DAP: variants seen among roughly 807,000 people sequenced by gnomAD.
The protein encoded by DAP is death associated protein.
DAP carries 8 observed loss-of-function variants against 13.8 expected under a neutral mutation model. The observed-to-expected ratio is 0.58, with a 90% CI of 0.34 to 1.05. The LOEUF (loss-of-function observed/expected upper bound fraction) is 1.05. DAP is among the 50% of genes least tolerant of loss of function. DAP has a pLI of 0.03. For missense variants in DAP, 106 were observed against 133.2 expected (o/e 0.80, Z 1.01); for synonymous variants, 47 against 47.5 (o/e 0.99, Z 0.04).
At chr5:10,720,966 C>A (rs1739121161) in intron 2 of DAP, among the ~76,000 whole-genome samples, 1 of 152,222 alleles carries the variant, frequency 6.6e-6, no homozygotes, top group South Asian at 2.1e-4. Flanking sequence ...CTGACCAAGG[C>A]ACGCACTTTA....
intron 1 of DAP, among the ~76,000 whole-genome samples, chr5:10,757,628 G>A (rs1271679297): frequency 6.6e-6 from 1 of 152,160 alleles, no homozygotes; most frequent in African/African-American, 2.4e-5. Context: ...TAAGATGACT[G>A]GTGATTTCAT....
intron 1 of DAP, among the ~76,000 whole-genome samples, chr5:10,750,462 A>G (rs1440412752): frequency 6.6e-6 from 1 of 152,128 alleles, no homozygotes; most frequent in Non-Finnish European, 1.5e-5. Flanking sequence ...TTAGAACTAA[A>G]ATCTCCCTGC....
chr5:10,758,799 AATAAACTAC>A (rs1740263900), intron 1 of DAP, among the ~76,000 whole-genome samples: 7 of 152,238 alleles, frequency 4.6e-5, no homozygotes, highest in Non-Finnish European at 8.8e-5. Flanking sequence ...CTCAGGGGTA[AATAAACTAC>A]TTACTCTGTA....
In DAP at chr5:10,736,560, T is replaced by TG. The variant is rs1238279078; in HGVS notation, c.152+11614dup. On this transcript the variant is annotated intron_variant, in intron 2 of 3. Coordinates refer to ENST00000230895, the MANE Select transcript of DAP (RefSeq NM_004394.3). ...GTCAGGGGGTTTGAGGGCTTGTGCT[T>TG]GTTCTGTCAACTTTCTGCCGCCCAA... Among the ~76,000 whole-genome samples, 5 of 152,338 alleles carry TG rather than the reference T, an allele frequency of 3.3e-5. No homozygotes were observed. In the East Asian group the frequency reaches 7.7e-4, roughly 24 times the overall value.
intron 2 of DAP, among the ~76,000 whole-genome samples, chr5:10,736,241 C>A (rs1739608735): frequency 6.6e-6 from 1 of 152,218 alleles, no homozygotes; most frequent in South Asian, 2.1e-4. Context: ...CGAAACATTT[C>A]TGTTTTTAAA....
At chr5:10,759,311 A>C (rs1185971095) in intron 1 of DAP, among the ~76,000 whole-genome samples, 1 of 152,342 alleles carries the variant, frequency 6.6e-6, no homozygotes. Flanking sequence ...GGAGGGCCAG[A>C]GCAGGTGGCT....
chr5:10,754,558 T>TAC (rs1740131469), intron 1 of DAP, among the ~76,000 whole-genome samples: 1 of 152,208 alleles, frequency 6.6e-6, no homozygotes, highest in Non-Finnish European at 1.5e-5. Context: ...CAGTGTGTGT[T>TAC]CCATCCTTGA....
chr5:10,753,603 G>A (rs1335405898), intron 1 of DAP, among the ~76,000 whole-genome samples: 2 of 152,222 alleles, frequency 1.3e-5, no homozygotes, highest in Non-Finnish European at 2.9e-5. Flanking sequence ...ATGCCTGGCT[G>A]TAAGATGCAG....
intron 2 of DAP, among the ~76,000 whole-genome samples, chr5:10,730,520 A>T (rs933647613): frequency 6.7e-6 from 1 of 148,968 alleles, no homozygotes; most frequent in East Asian, 2.0e-4. Context: ...GGTCGGGGGG[A>T]ATCTTTCTCT....
At position 10,718,100 on chromosome 5, in the gene DAP, C is replaced by A. The variant is rs181507500; in HGVS notation, c.152+30075G>T. ...CTCCCATCTTTCCCCAAGGTGACCTCTGGCTTTTTACCAGAGTAACTGTGG... is the reference window on the plus strand; with the variant it reads ...CTCCCATCTTTCCCCAAGGTGACCTATGGCTTTTTACCAGAGTAACTGTGG... On this transcript the variant is annotated intron_variant, in intron 2 of 3. Coordinates refer to ENST00000230895, the MANE Select transcript of DAP (RefSeq NM_004394.3). Among the ~76,000 whole-genome samples the A allele has an allele frequency of 1.9e-3, 291 of 152,330 alleles. 1 individual carries two copies. Among genetic ancestry groups the A allele is most frequent in the African/African-American group, 6.6e-3 (273 of 41,568 alleles).
At chr5:10,698,781 G>C (rs76123417) in intron 2 of DAP, among the ~76,000 whole-genome samples, 9,973 of 152,206 alleles carry the variant, frequency 0.066, 371 homozygotes, top group African/African-American at 0.093. Context: ...AAGGAATTTG[G>C]AGGAAAGAGA....
rs940207159 is a variant in DAP, at chr5:10,742,000, C to T, written c.152+6175G>A. Among the ~76,000 whole-genome samples the T allele has an allele frequency of 3.9e-5, 6 of 152,342 alleles. No individual in the cohort carries two copies. In the South Asian group the frequency reaches 8.3e-4, roughly 21 times the overall value. On this transcript the variant is annotated intron_variant, in intron 2 of 3. Coordinates refer to ENST00000230895, the MANE Select transcript of DAP (RefSeq NM_004394.3). ...GACTACGCAAATATCCTGTTGACTA[C>T]GTAAATATCGTGTTTTTCCTCAAAC...
At chr5:10,741,983 A>C (rs1561031040) in intron 2 of DAP, among the ~76,000 whole-genome samples, 1 of 152,256 alleles carries the variant, frequency 6.6e-6, no homozygotes, top group Non-Finnish European at 1.5e-5. Context: ...GAGACTACGC[A>C]AATATCCTGT....
chr5:10,723,054 G>A (rs765790700), intron 2 of DAP, among the ~76,000 whole-genome samples: 15 of 152,204 alleles, frequency 9.9e-5, no homozygotes, highest in Non-Finnish European at 1.5e-4. Context: ...GTCCCTTGAT[G>A]AAATGTCAAT....
At chr5:10,702,139 G>C (rs1738594917) in intron 2 of DAP, among the ~76,000 whole-genome samples, 1 of 152,176 alleles carries the variant, frequency 6.6e-6, no homozygotes, top group Non-Finnish European at 1.5e-5. Context: ...TCAAGGTCAA[G>C]GACCATGGTG....
intron 2 of DAP, among the ~76,000 whole-genome samples, chr5:10,697,204 C>T (rs1040837962): frequency 6.6e-6 from 1 of 152,132 alleles, no homozygotes; most frequent in African/African-American, 2.4e-5. Flanking sequence ...TAGTCCTTTG[C>T]AGTATTCAGA....
intron 1 of DAP, among the ~76,000 whole-genome samples, chr5:10,758,427 AG>A (rs1740251309): frequency 1.1e-5 from 1 of 90,096 alleles, no homozygotes; most frequent in Non-Finnish European, 2.3e-5. Context: ...TTGGCATTTG[AG>A]GGATGCTGCT....
At chr5:10,689,015 C>T (rs368782384) in intron 2 of DAP, among the ~76,000 whole-genome samples, 15 of 152,310 alleles carry the variant, frequency 9.8e-5, no homozygotes, top group Admixed American at 2.6e-4. Context: ...GCCACAGTCC[C>T]GCCCTTCCTC....
intron 2 of DAP, among the ~76,000 whole-genome samples, chr5:10,715,064 C>T (rs906537347): frequency 4.6e-5 from 7 of 152,084 alleles, no homozygotes; most frequent in South Asian, 2.1e-4. Context: ...CAGATATGCA[C>T]GCCATAAGGG....
Sources: allele counts gnomAD v4.1 joint callset (sites outside exome capture counted in the v4.1 genomes callset), GRCh38; gene constraint gnomAD v4.1.1; transcripts MANE v1.5; gene names NCBI Gene and HGNC (gene_info 2026-07-23, HGNC 2026-07-21).